IL1RAPL2: variants seen among roughly 807,000 people sequenced by gnomAD.
IL1RAPL2 encodes the protein X-linked interleukin-1 receptor accessory protein-like 2.
In IL1RAPL2, 3 loss-of-function variants were observed where a neutral mutation model predicts 44.1. That is an observed-to-expected ratio of 0.07 (90% CI 0.03 to 0.18). The LOEUF (loss-of-function observed/expected upper bound fraction) is 0.18. Ranked by LOEUF, IL1RAPL2 falls within the 10% of genes least tolerant of loss-of-function variation. IL1RAPL2 has a pLI of 1.00. For synonymous variants in IL1RAPL2, 181 were observed against 178.8 expected (o/e 1.01, Z -0.10); for missense variants, 391 against 496.4 (o/e 0.79, Z 2.02).
At chrX:104,659,268 G>A (rs1040804752) in intron 2 of IL1RAPL2, among the ~76,000 whole-genome samples, 1 of 111,962 alleles carries the variant, frequency 8.9e-6, no homozygotes, top group African/African-American at 3.2e-5. Flanking sequence ...ACATTTGCTA[G>A]TGAATAAATA....
At chrX:105,711,608 A>C (rs1481885678) in intron 6 of IL1RAPL2, among the ~76,000 whole-genome samples, 1 of 111,438 alleles carries the variant, frequency 9.0e-6, no homozygotes, top group East Asian at 2.8e-4. Flanking sequence ...CATTCCTTCC[A>C]TACCAATAGC....
intron 5 of IL1RAPL2, among the ~76,000 whole-genome samples, chrX:105,437,199 T>A (rs1045343868): frequency 1.8e-5 from 2 of 110,190 alleles, no homozygotes; most frequent in Non-Finnish European, 3.8e-5. Context: ...TACATTTACA[T>A]GTCAGGTTTC....
At chrX:105,424,072 A>G (rs1171379710) in intron 5 of IL1RAPL2, among the ~76,000 whole-genome samples, 1 of 111,572 alleles carries the variant, frequency 9.0e-6, no homozygotes, top group Non-Finnish European at 1.9e-5. Context: ...GAATCCCTTC[A>G]TGGTTACCAA....
At chrX:105,067,857 T>C (rs2032157998) in intron 2 of IL1RAPL2, among the ~76,000 whole-genome samples, 1 of 111,939 alleles carries the variant, frequency 8.9e-6, no homozygotes. Context: ...AGAGACCCTT[T>C]CCATCTCCTT....
chrX:104,639,569 C>T (rs1929893012), intron 1 of IL1RAPL2, among the ~76,000 whole-genome samples: 1 of 109,765 alleles, frequency 9.1e-6, no homozygotes, highest in Non-Finnish European at 1.9e-5. Context: ...CATTTGCATC[C>T]TTTCTTTTCA....
At chrX:105,239,841 G>A (rs1466823185) in intron 4 of IL1RAPL2, among the ~76,000 whole-genome samples, 2 of 111,539 alleles carry the variant, frequency 1.8e-5, no homozygotes, top group Non-Finnish European at 3.8e-5. Context: ...TTAGTGAACC[G>A]TAAAAATCTT....
chrX:105,724,486 C>G (rs1437893902), intron 7 of IL1RAPL2, among the ~76,000 whole-genome samples: 1 of 110,709 alleles, frequency 9.0e-6, no homozygotes, highest in Non-Finnish European at 1.9e-5. Flanking sequence ...TCCCTTTAAG[C>G]AGAGATTGGC....
chrX:105,601,166 T>G (rs1198698628), intron 6 of IL1RAPL2, among the ~76,000 whole-genome samples: 1 of 111,698 alleles, frequency 9.0e-6, no homozygotes, highest in Non-Finnish European at 1.9e-5. Flanking sequence ...TAATATGTTA[T>G]CTGGTATATT....
intron 6 of IL1RAPL2, among the ~76,000 whole-genome samples, chrX:105,600,979 A>C (rs1336665964): frequency 9.0e-6 from 1 of 111,441 alleles, no homozygotes; most frequent in African/African-American, 3.3e-5. Flanking sequence ...ATGTTATTTC[A>C]TTGCTGTTCT....
chrX:104,928,042 G>T (rs756208564), intron 2 of IL1RAPL2, among the ~76,000 whole-genome samples: 1 of 111,567 alleles, frequency 9.0e-6, no homozygotes, highest in Non-Finnish European at 1.9e-5. Context: ...TTCATAGCAG[G>T]TATATGTATT....
At chrX:105,051,827 T>C (rs1380199262) in intron 2 of IL1RAPL2, among the ~76,000 whole-genome samples, 1 of 111,917 alleles carries the variant, frequency 8.9e-6, no homozygotes, top group Admixed American at 9.4e-5. Context: ...TGAGAACACA[T>C]GAACACAGAG....
intron 5 of IL1RAPL2, among the ~76,000 whole-genome samples, chrX:105,368,337 C>T (rs761347992): frequency 1.8e-5 from 2 of 111,656 alleles, no homozygotes; most frequent in Non-Finnish European, 3.8e-5. Flanking sequence ...TTACCAAATT[C>T]AACAACCCAA....
At chrX:105,547,830 G>T (rs945704470) in intron 6 of IL1RAPL2, among the ~76,000 whole-genome samples, 7 of 112,327 alleles carry the variant, frequency 6.2e-5, no homozygotes, top group Non-Finnish European at 1.3e-4. Context: ...GCATGACCAA[G>T]CCTAGCTTCA....
intron 5 of IL1RAPL2, among the ~76,000 whole-genome samples, chrX:105,424,291 A>G (rs2035793570): frequency 9.0e-6 from 1 of 111,641 alleles, no homozygotes; most frequent in Admixed American, 9.5e-5. Flanking sequence ...CGGTCTGGAA[A>G]GGCAGGACAA....
At chrX:105,687,293 G>T (rs1180523907) in intron 6 of IL1RAPL2, among the ~76,000 whole-genome samples, 1 of 110,238 alleles carries the variant, frequency 9.1e-6, no homozygotes, top group Non-Finnish European at 1.9e-5. Context: ...CCAGGAGCTG[G>T]TTTTTTGGAA....
intron 2 of IL1RAPL2, among the ~76,000 whole-genome samples, chrX:104,990,932 A>G (rs1410638272): frequency 5.4e-5 from 6 of 111,382 alleles, no homozygotes; most frequent in African/African-American, 2.0e-4. Context: ...GAGAAGAAAT[A>G]CTTTAGTAAG....
At chrX:104,823,287 C>T (rs961464767) in intron 2 of IL1RAPL2, among the ~76,000 whole-genome samples, 2 of 110,751 alleles carry the variant, frequency 1.8e-5, no homozygotes, top group African/African-American at 6.6e-5. Flanking sequence ...GTGTGATATT[C>T]CCCTTCCTGT....
chrX:104,894,723 G>C, intron 2 of IL1RAPL2, among the ~76,000 whole-genome samples: 1 of 111,829 alleles, frequency 8.9e-6, no homozygotes, highest in Non-Finnish European at 1.9e-5. Context: ...TCTTTGCAAT[G>C]GTTTCAAACT....
intron 8 of IL1RAPL2, among the ~76,000 whole-genome samples, chrX:105,748,172 C>T (rs777044554): frequency 1.3e-4 from 15 of 111,522 alleles, no homozygotes; most frequent in African/African-American, 4.9e-4. Context: ...TCACTGTTCC[C>T]TGAGCCTGGG....
Sources: allele counts gnomAD v4.1 joint callset (sites outside exome capture counted in the v4.1 genomes callset), GRCh38; gene constraint gnomAD v4.1.1; transcripts MANE v1.5; gene names NCBI Gene and HGNC (gene_info 2026-07-23, HGNC 2026-07-21).